Variants in ARID4A observed in about 807,000 individuals in gnomAD.
The protein encoded by ARID4A is AT-rich interactive domain-containing protein 4A.
ARID4A carries 39 observed loss-of-function variants against 148.6 expected under a neutral mutation model. The observed-to-expected ratio is 0.26, with a 90% confidence interval of 0.20 to 0.34. ARID4A has a LOEUF of 0.34. Ranked by LOEUF, ARID4A falls within the 10% of genes least tolerant of loss-of-function variation. The probability of loss-of-function intolerance (pLI) is 1.00; values close to 1 mark genes in which losing one functional copy is unlikely to be tolerated. For synonymous variants in ARID4A, 475 were observed against 481.2 expected (o/e 0.99, Z 0.17); for missense variants, 1,265 against 1,449.1 (o/e 0.87, Z 2.06).
intron 11 of ARID4A, among the ~76,000 whole-genome samples, chr14:58,342,251 A>G (rs775705240): frequency 6.6e-6 from 1 of 152,170 alleles, no homozygotes; most frequent in Non-Finnish European, 1.5e-5. Flanking sequence ...ATCATGTTTT[A>G]TTTATTTTTG....
At chr14:58,369,428 C>T (rs931958862) in intron 23 of ARID4A, among the ~76,000 whole-genome samples, 29 of 151,752 alleles carry the variant, frequency 1.9e-4, no homozygotes, top group Admixed American at 3.3e-4. Flanking sequence ...GAGTTTAAGA[C>T]CAACCTGGCC....
intron 3 of ARID4A, 64 bp from the exon 4 acceptor site, chr14:58,304,880 G>C (rs1032867812): frequency 1.7e-5 from 22 of 1,302,588 alleles, no homozygotes; most frequent in Non-Finnish European, 2.4e-5. Flanking sequence ...TATTGTTATA[G>C]TGTTACTATA....
Position 58,365,072 on chromosome 14 carries a change from C to T in ARID4A, c.2983C>T (p.Leu995=), listed in dbSNP as rs903937535. 1.2e-6 allele frequency: 2 copies of T among 1,613,988 alleles called. No individual in the cohort carries two copies. The highest frequency in any genetic ancestry group is 1.3e-5 in the African/African-American group (1 of 74,916). Residue 995 remains leucine, a synonymous_variant, in exon 20 of 24, where the codon CTA becomes TTA. Transcript: ENST00000355431. Reference sequence around the variant, plus strand: ...CTCTCTTGTTTCTATTCCACCTGCCCTACCTCCTGTAGTCCAACATAACTT... The same window carrying T: ...CTCTCTTGTTTCTATTCCACCTGCCTTACCTCCTGTAGTCCAACATAACTT... ...SNSLVSIPPA[L]PPVVQHNFSV...
chr14:58,345,626 T>C (rs563124847), intron 12 of ARID4A, among the ~76,000 whole-genome samples: 2 of 152,214 alleles, frequency 1.3e-5, no homozygotes, highest in Admixed American at 1.3e-4. Context: ...TCCTTCAGAT[T>C]ACTGCTAACA....
chr14:58,330,559 AAAGTT>A (rs1167519747), intron 11 of ARID4A, among the ~76,000 whole-genome samples: 1 of 152,180 alleles, frequency 6.6e-6, no homozygotes, highest in Non-Finnish European at 1.5e-5. Flanking sequence ...GAGATTCAGA[AAAGTT>A]AAGTAACTTT....
rs772275165 is a variant in ARID4A at position 58,305,023 on chromosome 14, A to G, written c.183+14A>G. ...GGTCCTTTAAGAGTATGTATGTTGT[A>G]CGGTTTAAAATCTGAAATAATCATA... On this transcript the variant is annotated intron_variant, in intron 4 of 23. Coordinates refer to ENST00000355431, the MANE Select transcript of ARID4A (RefSeq NM_002892.4). 21 of 1,574,432 alleles carry G rather than the reference A, an allele frequency of 1.3e-5. No homozygotes were observed. Among genetic ancestry groups the G allele is most frequent in the Non-Finnish European group, 1.8e-5 (21 of 1,161,610 alleles).
At chr14:58,305,119 A>G in intron 4 of ARID4A, 110 bp downstream of exon 4, 1 of 860,484 alleles carries the variant, frequency 1.2e-6, no homozygotes. Flanking sequence ...TTAATCAGAA[A>G]ACAATACATA....
chr14:58,348,833 A>AT (rs200071443), intron 15 of ARID4A, among the ~76,000 whole-genome samples: 1,650 of 151,834 alleles, frequency 0.011, 15 homozygotes, highest in Non-Finnish European at 0.016. Flanking sequence ...TTTTTTTTTA[A>AT]TTTTTTTTAA....
intron 18 of ARID4A, among the ~76,000 whole-genome samples, chr14:58,359,805 G>C (rs1336548439): frequency 6.6e-6 from 1 of 152,132 alleles, no homozygotes; most frequent in African/African-American, 2.4e-5. Context: ...GGTGGCTCAT[G>C]CCTGTAATGC....
At chr14:58,349,664 A>G (rs991381268) in intron 15 of ARID4A, among the ~76,000 whole-genome samples, 3 of 152,076 alleles carry the variant, frequency 2.0e-5, no homozygotes. Context: ...CAGCAAGCTG[A>G]GATCGCACCA....
rs771797702 is a variant in ARID4A, at chr14:58,323,627, G to A, written c.582+10G>A. On this transcript the variant is annotated intron_variant, in intron 8 of 23. Coordinates refer to ENST00000355431, the MANE Select transcript of ARID4A (RefSeq NM_002892.4). ...ATGGTATCCTGCTTTGGTAAGTAAA[G>A]TTTCTTTGCAGAGTTAATCAGCCGT... The A allele has an allele frequency of 1.2e-6, 2 of 1,607,828 alleles. No individual in the cohort carries two copies. The highest frequency in any genetic ancestry group is 1.7e-6 in the Non-Finnish European group (2 of 1,175,768).
chr14:58,364,074 T>G (rs1329800481), intron 19 of ARID4A, 96 bp from the exon 20 acceptor site: 2 of 632,896 alleles, frequency 3.2e-6, no homozygotes, highest in South Asian at 6.6e-5. Flanking sequence ...GGTACATGAT[T>G]AAAGATTTTT....
At chr14:58,314,408 C>G (rs1334992856) in intron 5 of ARID4A, among the ~76,000 whole-genome samples, 2 of 152,074 alleles carry the variant, frequency 1.3e-5, no homozygotes, top group East Asian at 1.9e-4. Context: ...TTGATAAGTT[C>G]ATAATGTTGT....
Position 58,367,023 on chromosome 14 carries a change from A to T in ARID4A, c.3664A>T (p.Arg1222Trp). ...RRRKRLKKKDREVSHAGASMS... is the reference protein window; with the variant it reads ...RRRKRLKKKDWEVSHAGASMS... ...GAGAAAAAGATTAAAAAAGAAAGAC[A>T]GGGAAGGTAATTTTATTATGATTTT... The change falls in exon 23 of 24, where the codon AGG (arginine) becomes TGG (tryptophan). Residue 1222 changes from arginine (R) to tryptophan (W), a missense_variant. By Grantham distance (101) the Arg-to-Trp change is moderately radical. This residue lies in a region of ARID4A where 666 missense variants were observed against 730.9 expected (regional missense o/e 0.91). Coordinates refer to ENST00000355431, the MANE Select transcript of ARID4A (RefSeq NM_002892.4). The T allele has an allele frequency of 6.7e-7, 1 of 1,490,778 alleles. No homozygotes were observed. Among genetic ancestry groups the T allele is most frequent in the South Asian group, 1.5e-5 (1 of 68,866 alleles). The allele number at this position is 1,490,778 out of a possible 1,614,324, so 92.3% of individuals were successfully genotyped here.
At chr14:58,303,484 A>G (rs917481516) in intron 3 of ARID4A, 11 of 469,168 alleles carry the variant, frequency 2.3e-5, no homozygotes, top group African/African-American at 1.8e-4. Context: ...GTATTGGATC[A>G]TGCTGTATTG....
chr14:58,320,620 T>C (rs796657324), intron 7 of ARID4A, among the ~76,000 whole-genome samples: 188 of 147,710 alleles, frequency 1.3e-3, no homozygotes, highest in African/African-American at 1.5e-3. Context: ...TTTTTTTTTT[T>C]CCCCTGAGAC....
At chr14:58,332,280 C>T (rs1180965408) in intron 11 of ARID4A, among the ~76,000 whole-genome samples, 2 of 151,976 alleles carry the variant, frequency 1.3e-5, no homozygotes, top group Admixed American at 6.5e-5. Context: ...AATGTGTCAC[C>T]TAAATTATGA....
chr14:58,354,453 C>T (rs559745065), intron 17 of ARID4A, among the ~76,000 whole-genome samples: 1 of 151,958 alleles, frequency 6.6e-6, no homozygotes, highest in Non-Finnish European at 1.5e-5. Context: ...GAGGTGGAGG[C>T]GGAAGGACTG....
chr14:58,356,163 A>G lies in ARID4A; in HGVS notation c.1853+2308A>G, dbSNP rs370754774. Among the ~76,000 whole-genome samples the G allele has an allele frequency of 2.6e-5, 4 of 152,304 alleles. 1 individual carries two copies. On this transcript the variant is annotated intron_variant, in intron 17 of 23. Coordinates refer to ENST00000355431, the MANE Select transcript of ARID4A (RefSeq NM_002892.4). ...AGAAATCCTGGGACTATCCTTTGTT[A>G]GCAATATTAGTGCTAGAAGTACCTA...
Sources: gnomAD v4.1 joint callset for allele counts (sites outside exome capture counted in the v4.1 genomes callset) on GRCh38, gnomAD v4.1.1 for gene constraint, gnomAD v4.1.1 regional missense constraint, MANE v1.5 for transcripts, NCBI Gene and HGNC (gene_info 2026-07-23, HGNC 2026-07-21) for gene names.